The following ERAP1 variants were observed in gnomAD, a reference collection of about 807,000 sequenced individuals.
The protein encoded by ERAP1 is adipocyte-derived leucine aminopeptidase.
Under a neutral mutation model 103.7 loss-of-function variants are expected in ERAP1, and 86 were observed. That is an observed-to-expected ratio of 0.83 (90% CI 0.70 to 0.99). The LOEUF (loss-of-function observed/expected upper bound fraction) is 0.99, where lower values mean the gene tolerates loss of function less well. ERAP1 is among the 50% of genes least tolerant of loss of function. The probability of loss-of-function intolerance (pLI) is 0.00; values close to 1 mark genes in which losing one functional copy is unlikely to be tolerated. For synonymous variants in ERAP1, 398 were observed against 402.4 expected, an observed-to-expected ratio of 0.99 and a Z score of 0.13; for missense variants, 1,009 against 1,128.4, an observed-to-expected ratio of 0.89 and a Z score of 1.52.
rs768057943 is a variant in ERAP1 at position 96,800,936 on chromosome 5, G to C, written c.589C>G (p.Pro197Ala). Residue 197 changes from proline to alanine, a missense_variant, in exon 3 of 19, where the codon CCT becomes GCT. Coordinates refer to ENST00000443439, the MANE Select transcript of ERAP1 (RefSeq NM_001040458.3). ...ATTGAGAAACTTGCTTTGAAGGCAG[G>C]TTCATCAAAGCAGGGAAAGGCCATT... ...ARMAFPCFDE[P>A]AFKASFSIKI... 1.1e-5 allele frequency: 18 copies of C among 1,613,982 alleles called. 1 individual carries two copies. In the East Asian group the frequency reaches 2.0e-4, roughly 18 times the overall value.
chr5:96,839,797 T>C, the ERAP1 span, among the ~76,000 whole-genome samples: 255 of 152,318 alleles, frequency 1.7e-3, 1 homozygote, highest in African/African-American at 5.8e-3. Context: ...AAACAATCTC[T>C]ACCCTCAACT....
chr5:96,919,053 A>C, the ERAP1 span: 5 of 152,252 alleles, frequency 3.3e-5, no homozygotes, highest in Admixed American at 2.0e-4. Context: ...AAAAATACAG[A>C]TAAGTTTTAG....
chr5:96,926,251 TA>T, the ERAP1 span, among the ~76,000 whole-genome samples: 1 of 152,182 alleles, frequency 6.6e-6, no homozygotes, highest in Admixed American at 6.5e-5. Context: ...TTATGGTTTC[TA>T]AAAAGTATAA....
rs548930888 is a variant in ERAP1, at chr5:96,764,659, A to C, written c.2819-1431T>G. 5.3e-5 allele frequency among the ~76,000 whole-genome samples: 8 copies of C among 152,250 alleles called. No homozygotes were observed. The South Asian group carries it at 1.7e-3, about 32-fold the overall frequency. On this transcript the variant is annotated intron_variant, in intron 19 of 19. Coordinates refer to the ERAP1 transcript ENST00000296754. ...GCAGTGCCGAGCTCCATGGCTTCCC[A>C]CAAACTGCGGGTCACGCTGCACTTT... is the stretch of plus-strand genomic sequence containing the variant.
At chr5:96,788,440 G>A in intron 11 of ERAP1, 91 bp downstream of exon 11, 1 of 1,453,892 alleles carries the variant, frequency 6.9e-7, no homozygotes. Context: ...TTTAGCAATA[G>A]TGGTAAGGGC....
intron 18 of ERAP1, chr5:96,779,672 A>G (rs1356944848): frequency 6.5e-6 from 1 of 153,738 alleles, no homozygotes; most frequent in Non-Finnish European, 1.5e-5. Context: ...CAACTTTACT[A>G]TAGGAAACCT....
the ERAP1 span, among the ~76,000 whole-genome samples, chr5:96,874,180 AAG>A: frequency 1.2e-4 from 10 of 82,318 alleles, no homozygotes; most frequent in African/African-American, 2.3e-4. Flanking sequence ...GAAAGAAAGA[AAG>A]AGAGAGAGAA....
the ERAP1 span, among the ~76,000 whole-genome samples, chr5:96,849,953 C>T: frequency 0.048 from 7,280 of 152,170 alleles, 213 homozygotes; most frequent in South Asian, 0.11. Context: ...GAAATAAATC[C>T]GTGCATGTAT....
At chr5:96,874,180 A>AAGAAAGAAAG in the ERAP1 span, among the ~76,000 whole-genome samples, 2,123 of 81,302 alleles carry the variant, frequency 0.026, 21 homozygotes, top group African/African-American at 0.037. Context: ...GAAAGAAAGA[A>AAGAAAGAAAG]AGAGAGAGAG....
the ERAP1 span, among the ~76,000 whole-genome samples, chr5:96,869,717 A>G: frequency 6.6e-6 from 1 of 152,220 alleles, no homozygotes; most frequent in African/African-American, 2.4e-5. Context: ...CTCCTCAATA[A>G]TCTGACCATG....
chr5:96,893,902 C>T, the ERAP1 span, among the ~76,000 whole-genome samples: 1 of 152,156 alleles, frequency 6.6e-6, no homozygotes, highest in Admixed American at 6.6e-5. Context: ...TCTGAACATG[C>T]CAGGTTGTAT....
At position 96,790,281 on chromosome 5, in the gene ERAP1, G is replaced by A. The variant is rs1222705567; in HGVS notation, c.1524+15C>T. On this transcript the variant is annotated intron_variant, in intron 10 of 18. Transcript: ENST00000443439. ...GAATGTGCTTGGGGGAACATGTACA[G>A]ATATAGAAACTTACTGAGGATGAAG... 6.2e-7 allele frequency: 1 copy of A among 1,612,098 alleles called. No homozygotes were observed. The highest frequency in any genetic ancestry group is 8.5e-7 in the Non-Finnish European group (1 of 1,178,192).
At chr5:96,873,059 G>A in the ERAP1 span, among the ~76,000 whole-genome samples, 1 of 151,888 alleles carries the variant, frequency 6.6e-6, no homozygotes, top group Non-Finnish European at 1.5e-5. Context: ...CATGGTGGTG[G>A]GCGCCTGTAA....
downstream of ERAP1, chr5:96,771,576 G>C: frequency 8.4e-7 from 1 of 1,189,778 alleles, no homozygotes; most frequent in Non-Finnish European, 1.2e-6. Context: ...CCCTAATTCT[G>C]AGAAGGCCAT....
At chr5:96,863,778 C>G in the ERAP1 span, among the ~76,000 whole-genome samples, 3 of 152,092 alleles carry the variant, frequency 2.0e-5, no homozygotes, top group Admixed American at 6.6e-5. Flanking sequence ...TGTTCAGGAT[C>G]CAGTCACGTC....
At chr5:96,925,696 T>A in the ERAP1 span, among the ~76,000 whole-genome samples, 8 of 152,192 alleles carry the variant, frequency 5.3e-5, no homozygotes, top group South Asian at 1.7e-3. Flanking sequence ...GAGTGAAGAT[T>A]TCTTTCTAAG....
chr5:96,896,973 G>A, the ERAP1 span: 6 of 385,192 alleles, frequency 1.6e-5, no homozygotes, highest in South Asian at 3.5e-4. Context: ...TATTTATTCT[G>A]CTTGCTATGT....
the ERAP1 span, among the ~76,000 whole-genome samples, chr5:96,884,727 T>C: frequency 7.3e-5 from 11 of 151,574 alleles, no homozygotes; most frequent in Admixed American, 7.2e-4. Context: ...CTGACTAACT[T>C]TTTTTGTATT....
chr5:96,892,221 G>A, the ERAP1 span: 34 of 1,423,950 alleles, frequency 2.4e-5, no homozygotes, highest in Non-Finnish European at 3.3e-5. Flanking sequence ...AAGGATCATA[G>A]TGTATTTGAG....
Sources: allele counts gnomAD v4.1 joint callset (sites outside exome capture counted in the v4.1 genomes callset), GRCh38; gene constraint gnomAD v4.1.1; transcripts MANE v1.5; gene names NCBI Gene and HGNC (gene_info 2026-07-23, HGNC 2026-07-21).